Variants in BCAT1 observed in about 807,000 individuals in gnomAD.
BCAT1 encodes the protein branched chain amino acid transaminase 1, also known as branched-chain-amino-acid aminotransferase, cytosolic.
Under a neutral mutation model 52.4 loss-of-function variants are expected in BCAT1, and 48 were observed. The observed-to-expected ratio is 0.92, with a 90% CI of 0.73 to 1.16. The LOEUF (loss-of-function observed/expected upper bound fraction) is 1.16. Among genes scored for constraint, BCAT1 ranks in the 50% most tolerant of loss-of-function variants. BCAT1 has a pLI of 0.00. For missense variants in BCAT1, 451 were observed against 457.1 expected, an observed-to-expected ratio of 0.99 and a Z score of 0.12; for synonymous variants, 167 against 161.3, an observed-to-expected ratio of 1.04 and a Z score of -0.27.
At chr12:24,834,992 C>A (rs1316545478) in intron 8 of BCAT1, among the ~76,000 whole-genome samples, 2 of 152,156 alleles carry the variant, frequency 1.3e-5, no homozygotes, top group Non-Finnish European at 2.9e-5. Flanking sequence ...GCTATGAAGT[C>A]AAGAAAAAAT....
At chr12:24,841,941 T>A in intron 7 of BCAT1, 141 bp downstream of exon 7, 1 of 903,608 alleles carries the variant, frequency 1.1e-6, no homozygotes, top group Non-Finnish European at 1.6e-6. Flanking sequence ...TGTGTCTATT[T>A]GGGCAGCAAA....
intron 3 of BCAT1, among the ~76,000 whole-genome samples, chr12:24,891,709 A>G (rs12227915): frequency 0.065 from 9,929 of 152,174 alleles, 414 homozygotes; most frequent in Non-Finnish European, 0.088. Context: ...AAACCAATCA[A>G]AGTAGCATTC....
chr12:24,846,341 A>C (rs1312150781), intron 6 of BCAT1, among the ~76,000 whole-genome samples: 2 of 152,210 alleles, frequency 1.3e-5, no homozygotes, highest in African/African-American at 4.8e-5. Flanking sequence ...TGTATTATTA[A>C]TGTCCACAGG....
At chr12:24,843,819 G>A (rs1258845134) in intron 6 of BCAT1, among the ~76,000 whole-genome samples, 1 of 152,106 alleles carries the variant, frequency 6.6e-6, no homozygotes, top group Non-Finnish European at 1.5e-5. Flanking sequence ...TATAACCTAA[G>A]ACAGTCACAT....
chr12:24,928,258 C>T (rs528245445), intron 1 of BCAT1, among the ~76,000 whole-genome samples: 1 of 152,298 alleles, frequency 6.6e-6, no homozygotes, highest in Non-Finnish European at 1.5e-5. Flanking sequence ...AGAGACCAGA[C>T]CTTCCCCCTT....
chr12:24,931,298 G>A (rs10743526), intron 1 of BCAT1, among the ~76,000 whole-genome samples: 138,041 of 152,142 alleles, frequency 0.91, 63,124 homozygotes, highest in East Asian at 1. Flanking sequence ...ACATTGATGA[G>A]ATCTTTCTCC....
intron 1 of BCAT1, chr12:24,904,718 G>GT (rs1260004767): frequency 6.6e-6 from 1 of 152,194 alleles, no homozygotes; most frequent in Non-Finnish European, 1.5e-5. Flanking sequence ...TCAAAAATCT[G>GT]TCTAAAATAA....
At chr12:24,829,798 A>C (rs776908889) in intron 10 of BCAT1, 25 bp downstream of exon 10, 2 of 1,568,166 alleles carry the variant, frequency 1.3e-6, no homozygotes, top group South Asian at 2.4e-5. Context: ...AAAGGAAAGA[A>C]AAGAAAAGAA....
At chr12:24,875,458 A>G (rs1942307192) in intron 5 of BCAT1, among the ~76,000 whole-genome samples, 1 of 152,232 alleles carries the variant, frequency 6.6e-6, no homozygotes, top group South Asian at 2.1e-4. Flanking sequence ...CTCCCCAAAT[A>G]GTATTCATTA....
In BCAT1 at chr12:24,837,587, T is replaced by C. The variant is rs189031003; in HGVS notation, c.818-991A>G. ...GATTACAGGTACGCGCCACCACGCCTGGCTAATTTTTGTATTTTTAGTAGA... is the reference window on the plus strand; with the variant it reads ...GATTACAGGTACGCGCCACCACGCCCGGCTAATTTTTGTATTTTTAGTAGA... On this transcript the variant is annotated intron_variant, in intron 7 of 10. Transcript: ENST00000261192. Among the ~76,000 whole-genome samples, 63 of 151,950 alleles carry C rather than the reference T, an allele frequency of 4.1e-4. 1 individual carries two copies. In the East Asian group the frequency reaches 0.01, roughly 25 times the overall value.
At chr12:24,941,907 G>A (rs1164955906) in intron 1 of BCAT1, among the ~76,000 whole-genome samples, 1 of 152,132 alleles carries the variant, frequency 6.6e-6, no homozygotes, top group Non-Finnish European at 1.5e-5. Context: ...ACCAGTAAAT[G>A]CAAATATAAG....
intron 5 of BCAT1, among the ~76,000 whole-genome samples, chr12:24,871,308 G>T (rs1038235464): frequency 3.9e-5 from 6 of 152,276 alleles, no homozygotes; most frequent in African/African-American, 1.4e-4. Context: ...AGGTAGCAGG[G>T]AACTGGGATT....
chr12:24,863,920 G>A (rs1941924548), intron 5 of BCAT1, among the ~76,000 whole-genome samples: 1 of 151,076 alleles, frequency 6.6e-6, no homozygotes, highest in Non-Finnish European at 1.5e-5. Flanking sequence ...GACAGAGCAG[G>A]ACCTTGTCTC....
chr12:24,843,556 T>C (rs1941240935), intron 6 of BCAT1, among the ~76,000 whole-genome samples: 1 of 152,068 alleles, frequency 6.6e-6, no homozygotes. Flanking sequence ...TGAGCCAAGA[T>C]AGCACCACTG....
At chr12:24,852,556 T>C (rs1335351674) in intron 5 of BCAT1, among the ~76,000 whole-genome samples, 1 of 152,212 alleles carries the variant, frequency 6.6e-6, no homozygotes, top group East Asian at 1.9e-4. Context: ...AAATTTCCCC[T>C]GGTTCATTTT....
At chr12:24,907,118 C>G (rs80302496) in intron 1 of BCAT1, among the ~76,000 whole-genome samples, 1,604 of 152,316 alleles carry the variant, frequency 0.011, 28 homozygotes, top group African/African-American at 0.037. Context: ...TCTCTCCCCC[C>G]ACACATTTAA....
At position 24,910,423 on chromosome 12, in the gene BCAT1, AAATT is replaced by A. The variant is rs1412350946; in HGVS notation, c.7-8542_7-8539del. ...TAAATAAATAAATAAATAAATAAAT[AAATT>A]ATTGTTTTAAGGCCACAAAGTTTGG... On this transcript the variant is annotated intron_variant, in intron 1 of 10. Transcript: ENST00000261192. 6.0e-4 allele frequency among the ~76,000 whole-genome samples: 78 copies of A among 130,400 alleles called. 1 individual carries two copies. Among genetic ancestry groups the A allele is most frequent in the African/African-American group, 2.1e-3 (73 of 34,778 alleles). The allele number at this position is 130,400 out of a possible 152,430, so 85.5% of individuals were successfully genotyped here.
At chr12:24,894,545 G>GT in intron 2 of BCAT1, 70 bp from the exon 3 acceptor site, 1 of 1,284,530 alleles carries the variant, frequency 7.8e-7, no homozygotes, top group Non-Finnish European at 1.1e-6. Context: ...TATACAGAGG[G>GT]GAAAAAAAAA....
At chr12:24,917,262 T>G (rs901872175) in intron 1 of BCAT1, among the ~76,000 whole-genome samples, 5 of 144,514 alleles carry the variant, frequency 3.5e-5, no homozygotes, top group East Asian at 2.3e-4. Context: ...CACTGCAAGC[T>G]CCGTCTTGCC....
Sources: gnomAD v4.1 joint callset for allele counts (sites outside exome capture counted in the v4.1 genomes callset) on GRCh38, gnomAD v4.1.1 for gene constraint, MANE v1.5 for transcripts, NCBI Gene and HGNC (gene_info 2026-07-23, HGNC 2026-07-21) for gene names.